The following CLIC5 variants were observed in gnomAD, a reference collection of about 807,000 sequenced individuals.
CLIC5 encodes the protein chloride intracellular channel protein 5.
Under a neutral mutation model 24.7 loss-of-function variants are expected in CLIC5, and 20 were observed. The ratio of observed to expected loss-of-function variants is 0.81; its 90% CI spans 0.57 to 1.18. CLIC5 has a LOEUF of 1.18. CLIC5 is among the 50% of genes most tolerant of loss of function. The pLI, the probability that CLIC5 is intolerant of heterozygous loss-of-function variation, is 0.00. For missense variants in CLIC5, 341 were observed against 326.1 expected, an observed-to-expected ratio of 1.05 and a Z score of -0.35; for synonymous variants, 159 against 135.6, an observed-to-expected ratio of 1.17 and a Z score of -1.20.
At chr6:45,895,064 C>T (rs893628512), downstream of CLIC5, among the ~76,000 whole-genome samples, 1 of 151,988 alleles carries the variant, frequency 6.6e-6, no homozygotes, top group Non-Finnish European at 1.5e-5. Flanking sequence ...TAGAAAAAGT[C>T]TGGGAAAATA....
chr6:46,077,272 C>T (rs1341318538), intron 1 of CLIC5, among the ~76,000 whole-genome samples: 1 of 152,086 alleles, frequency 6.6e-6, no homozygotes, highest in African/African-American at 2.4e-5. Context: ...TACTTACAAA[C>T]CTGCATGACA....
At chr6:46,072,248 AAAAG>A (rs1426524426) in intron 1 of CLIC5, among the ~76,000 whole-genome samples, 10 of 151,988 alleles carry the variant, frequency 6.6e-5, no homozygotes, top group African/African-American at 2.2e-4. Flanking sequence ...AAAAAAAAAA[AAAAG>A]AAACACATGT....
intron 1 of CLIC5, among the ~76,000 whole-genome samples, chr6:45,986,564 G>A (rs1393183518): frequency 6.6e-6 from 1 of 152,234 alleles, no homozygotes; most frequent in Non-Finnish European, 1.5e-5. Flanking sequence ...GAAGGACACA[G>A]CCAGGATAAG....
chr6:45,917,444 A>G lies in CLIC5; in HGVS notation c.407-3035T>C, dbSNP rs561273168. The stretch of plus-strand genomic sequence containing the variant: ...CTGAATATCCCAAGGTGCAGTGGAG[A>G]ATGGGTGATTTTAAGAAGCTCCAAA... On this transcript the variant is annotated intron_variant, in intron 4 of 5. Transcript: ENST00000339561. Among the ~76,000 whole-genome samples, 12 of 152,068 alleles carry G rather than the reference A, an allele frequency of 7.9e-5. No individual in the cohort carries two copies. In the South Asian group the frequency reaches 8.3e-4, roughly 11 times the overall value.
chr6:46,080,009 G>A, exon 1 of CLIC5: 2 of 1,551,694 alleles, frequency 1.3e-6, no homozygotes, highest in Non-Finnish European at 1.7e-6. Context: ...GGTAGCCTCT[G>A]TCTTCTGACT....
chr6:45,882,160 C>T (rs968016905), intron 6 of CLIC5, among the ~76,000 whole-genome samples: 1 of 152,326 alleles, frequency 6.6e-6, no homozygotes, highest in African/African-American at 2.4e-5. Flanking sequence ...TTACCAGAGA[C>T]TCCCAATTAC....
At chr6:45,970,533 A>G (rs1765165582) in intron 1 of CLIC5, among the ~76,000 whole-genome samples, 1 of 152,202 alleles carries the variant, frequency 6.6e-6, no homozygotes, top group Non-Finnish European at 1.5e-5. Context: ...TTGTACTCCC[A>G]TAAAAAAATA....
chr6:45,965,009 C>T (rs972125752), intron 1 of CLIC5, among the ~76,000 whole-genome samples: 3 of 152,198 alleles, frequency 2.0e-5, no homozygotes, highest in Admixed American at 1.3e-4. Flanking sequence ...GCTTGTTAAA[C>T]ACCCTATTTA....
chr6:45,971,010 A>T (rs1261043510), intron 1 of CLIC5, among the ~76,000 whole-genome samples: 2 of 152,250 alleles, frequency 1.3e-5, no homozygotes, highest in Non-Finnish European at 2.9e-5. Context: ...TTATAAAAAT[A>T]CAAAACTGCC....
At chr6:46,115,305 T>C in the CLIC5 span, among the ~76,000 whole-genome samples, 1 of 152,156 alleles carries the variant, frequency 6.6e-6, no homozygotes, top group Non-Finnish European at 1.5e-5. Flanking sequence ...AGGCCACACC[T>C]TGTGGCTGAG....
chr6:45,915,588 C>A (rs1190964150), intron 4 of CLIC5, among the ~76,000 whole-genome samples: 1 of 152,190 alleles, frequency 6.6e-6, no homozygotes, highest in East Asian at 1.9e-4. Context: ...CACAAATGTG[C>A]AACCCCCAGC....
At chr6:45,903,667 T>A (rs1762570884) in intron 5 of CLIC5, among the ~76,000 whole-genome samples, 1 of 152,190 alleles carries the variant, frequency 6.6e-6, no homozygotes, top group Non-Finnish European at 1.5e-5. Flanking sequence ...AAAATGATGC[T>A]GCTAAGAAAA....
chr6:45,908,156 T>C (rs1007004716), intron 5 of CLIC5, among the ~76,000 whole-genome samples: 4 of 152,184 alleles, frequency 2.6e-5, no homozygotes, highest in Non-Finnish European at 2.9e-5. Flanking sequence ...GGATTTTCTT[T>C]TTTGTTGTTG....
At chr6:45,930,693 C>G (rs534139483) in intron 4 of CLIC5, among the ~76,000 whole-genome samples, 1 of 152,098 alleles carries the variant, frequency 6.6e-6, no homozygotes, top group Non-Finnish European at 1.5e-5. Flanking sequence ...GGTATGGAGG[C>G]GGGGGGAGCA....
At chr6:45,881,290 G>T (rs1394020970) in intron 6 of CLIC5, 1 of 395,504 alleles carries the variant, frequency 2.5e-6, no homozygotes, top group Non-Finnish European at 4.5e-6. Context: ...GGATATTACT[G>T]ATTTCAAGTT....
At chr6:46,013,843 C>G (rs180965448) in intron 1 of CLIC5, among the ~76,000 whole-genome samples, 7 of 152,300 alleles carry the variant, frequency 4.6e-5, no homozygotes, top group Admixed American at 3.9e-4. Context: ...GTCCTAGAAT[C>G]GCTTTCTTCA....
intron 6 of CLIC5, among the ~76,000 whole-genome samples, chr6:45,886,202 G>A (rs914305385): frequency 8.5e-5 from 13 of 152,200 alleles, no homozygotes; most frequent in African/African-American, 3.1e-4. Flanking sequence ...AAGATACCAC[G>A]TGGTGCGAAG....
chr6:45,956,884 C>T (rs1219250373), intron 1 of CLIC5, among the ~76,000 whole-genome samples: 1 of 152,176 alleles, frequency 6.6e-6, no homozygotes, highest in African/African-American at 2.4e-5. Flanking sequence ...GGGCGCTACA[C>T]CTTCCCACGG....
At chr6:45,922,643 A>T (rs1038638970) in intron 4 of CLIC5, among the ~76,000 whole-genome samples, 20 of 152,156 alleles carry the variant, frequency 1.3e-4, no homozygotes, top group African/African-American at 4.3e-4. Flanking sequence ...GTATGAAGGG[A>T]GGTAGGGACT....
Sources: allele counts gnomAD v4.1 joint callset (sites outside exome capture counted in the v4.1 genomes callset), GRCh38; gene constraint gnomAD v4.1.1; transcripts MANE v1.5; gene names NCBI Gene and HGNC (gene_info 2026-07-23, HGNC 2026-07-21).